SLC10A7: variants seen among roughly 807,000 people sequenced by gnomAD.
SLC10A7 encodes the protein sodium/bile acid cotransporter 7.
SLC10A7 carries 29 observed loss-of-function variants against 43.2 expected under a neutral mutation model. That is an observed-to-expected ratio of 0.67 (90% CI 0.50 to 0.92). The LOEUF (loss-of-function observed/expected upper bound fraction) is 0.92, where lower values mean the gene tolerates loss of function less well. SLC10A7 is among the 40% of genes least tolerant of loss of function. The pLI is 0.00. For missense variants in SLC10A7, 295 were observed against 403.2 expected (o/e 0.73, Z 2.30); for synonymous variants, 152 against 144.8 (o/e 1.05, Z -0.35).
At chr4:146,396,095 G>A (rs979608618) in intron 5 of SLC10A7, among the ~76,000 whole-genome samples, 5 of 151,978 alleles carry the variant, frequency 3.3e-5, no homozygotes, top group African/African-American at 1.2e-4. Context: ...TTATATAAAA[G>A]GTTGCTTAAT....
intron 5 of SLC10A7, among the ~76,000 whole-genome samples, chr4:146,369,622 T>C (rs1736629368): frequency 6.6e-6 from 1 of 152,150 alleles, no homozygotes; most frequent in Non-Finnish European, 1.5e-5. Flanking sequence ...AGCAGACAAA[T>C]GACGCTTACT....
intron 5 of SLC10A7, among the ~76,000 whole-genome samples, chr4:146,375,425 C>T (rs1222897554): frequency 1.3e-5 from 2 of 152,096 alleles, no homozygotes; most frequent in African/African-American, 2.4e-5. Flanking sequence ...CGCTTAACTC[C>T]CTCATGGCCC....
intron 10 of SLC10A7, among the ~76,000 whole-genome samples, chr4:146,265,468 G>A (rs1302732617): frequency 1.3e-5 from 2 of 152,164 alleles, no homozygotes; most frequent in Non-Finnish European, 2.9e-5. Flanking sequence ...CATGATGAAG[G>A]TGGCTTTCCT....
chr4:146,323,907 T>C (rs924478984), intron 6 of SLC10A7, among the ~76,000 whole-genome samples: 31 of 152,174 alleles, frequency 2.0e-4, no homozygotes, highest in Non-Finnish European at 4.4e-4. Flanking sequence ...ATGACATGAT[T>C]GTATATCTAG....
chr4:146,306,034 A>G, intron 6 of SLC10A7, 25 bp from the exon 7 acceptor site: 2 of 1,555,136 alleles, frequency 1.3e-6, no homozygotes, highest in Non-Finnish European at 1.7e-6. Context: ...AATAGGAGTT[A>G]GAATTACTTC....
At chr4:146,329,124 C>G (rs1461805678) in intron 5 of SLC10A7, among the ~76,000 whole-genome samples, 7 of 152,174 alleles carry the variant, frequency 4.6e-5, no homozygotes, top group African/African-American at 1.7e-4. Context: ...CTTCCAAGGA[C>G]TTATAACATT....
intron 9 of SLC10A7, 42 bp downstream of exon 9, chr4:146,292,887 C>T: frequency 7.0e-7 from 1 of 1,421,016 alleles, no homozygotes; most frequent in Non-Finnish European, 9.8e-7. Flanking sequence ...CGCATGATTC[C>T]TAATTTAGAA....
intron 10 of SLC10A7, among the ~76,000 whole-genome samples, chr4:146,270,497 G>A (rs531374076): frequency 7.3e-4 from 111 of 152,208 alleles, no homozygotes; most frequent in Non-Finnish European, 1.3e-3. Context: ...CTCAGCTTCC[G>A]CCACACATTG....
At chr4:146,386,745 C>T (rs1738028856) in intron 5 of SLC10A7, among the ~76,000 whole-genome samples, 4 of 152,296 alleles carry the variant, frequency 2.6e-5, no homozygotes, top group Middle Eastern at 3.4e-3. Context: ...ACCCATAAAA[C>T]GTACTCTTCT....
At chr4:146,472,604 C>T (rs930574111) in intron 4 of SLC10A7, among the ~76,000 whole-genome samples, 1 of 152,078 alleles carries the variant, frequency 6.6e-6, no homozygotes, top group East Asian at 1.9e-4. Context: ...TTCCCATAGG[C>T]CCTTAGGGCA....
chr4:146,408,131 A>C (rs1247312079), intron 5 of SLC10A7, among the ~76,000 whole-genome samples: 2 of 152,212 alleles, frequency 1.3e-5, no homozygotes, highest in Non-Finnish European at 2.9e-5. Flanking sequence ...ATAAAAGGAC[A>C]GAAATAACAG....
chr4:146,303,600 G>A (rs551699847), intron 7 of SLC10A7, among the ~76,000 whole-genome samples: 3 of 151,900 alleles, frequency 2.0e-5, no homozygotes, highest in East Asian at 1.9e-4. Context: ...GGCTGGTCAC[G>A]AACTCCTGAC....
At chr4:146,383,054 G>A (rs1260025371) in intron 5 of SLC10A7, among the ~76,000 whole-genome samples, 1 of 151,978 alleles carries the variant, frequency 6.6e-6, no homozygotes, top group Non-Finnish European at 1.5e-5. Flanking sequence ...CTGAAAGCTC[G>A]ATTTGTCTCC....
At chr4:146,506,110 T>G (rs1039311000) in intron 3 of SLC10A7, among the ~76,000 whole-genome samples, 3 of 152,076 alleles carry the variant, frequency 2.0e-5, no homozygotes, top group African/African-American at 7.2e-5. Flanking sequence ...TCCCTCCTCT[T>G]CCAGCCCCTT....
In SLC10A7 at chr4:146,498,117, T is replaced by C. The variant is rs944324588; in HGVS notation, c.396+5732A>G. Among the ~76,000 whole-genome samples the C allele has an allele frequency of 1.5e-4, 22 of 150,688 alleles. No homozygotes were observed. In the South Asian group the frequency reaches 2.5e-3, roughly 17 times the overall value. On this transcript the variant is annotated intron_variant, in intron 4 of 11. Transcript: ENST00000335472. ...TAGGATTCACCAACTCTTATTACTT[T>C]TTTTTTTTTTTTTATTTTGAGACGG...
At chr4:146,380,686 A>C (rs1737551636) in intron 5 of SLC10A7, among the ~76,000 whole-genome samples, 1 of 152,124 alleles carries the variant, frequency 6.6e-6, no homozygotes, top group African/African-American at 2.4e-5. Flanking sequence ...AAATGAATTC[A>C]TTTGATTCCT....
chr4:146,355,397 T>C (rs1177338312), intron 5 of SLC10A7, among the ~76,000 whole-genome samples: 3 of 152,180 alleles, frequency 2.0e-5, no homozygotes, highest in Non-Finnish European at 4.4e-5. Flanking sequence ...CAACAGGTAC[T>C]GGAGAGGATG....
intron 4 of SLC10A7, among the ~76,000 whole-genome samples, chr4:146,450,466 T>C (rs906544264): frequency 2.6e-4 from 40 of 152,136 alleles, no homozygotes; most frequent in Admixed American, 1.7e-3. Flanking sequence ...CATGGGACAA[T>C]TGCATTAAAC....
intron 11 of SLC10A7, 113 bp from the exon 12 acceptor site, chr4:146,256,633 T>C (rs2110961877): frequency 4.2e-6 from 5 of 1,182,324 alleles, no homozygotes; most frequent in East Asian, 4.7e-5. Context: ...CCCACCCAGA[T>C]GGCATCATAT....
Sources: allele counts gnomAD v4.1 joint callset (sites outside exome capture counted in the v4.1 genomes callset), GRCh38; gene constraint gnomAD v4.1.1; transcripts MANE v1.5; gene names NCBI Gene and HGNC (gene_info 2026-07-23, HGNC 2026-07-21).